The following ABLIM1 variants were observed in gnomAD, a reference collection of about 807,000 sequenced individuals.
The protein encoded by ABLIM1 is actin-binding LIM protein 1.
A neutral mutation model predicts 107.0 loss-of-function variants in ABLIM1; 40 were observed. The observed-to-expected ratio is 0.37, with a 90% confidence interval of 0.29 to 0.49. The LOEUF (loss-of-function observed/expected upper bound fraction) is 0.49. Ranked by LOEUF, ABLIM1 falls within the 20% of genes least tolerant of loss-of-function variation. The pLI, the probability that ABLIM1 is intolerant of heterozygous loss-of-function variation, is 0.97. For synonymous variants in ABLIM1, 357 were observed against 357.3 expected (o/e 1.00, Z 0.01); for missense variants, 857 against 1,008.5 (o/e 0.85, Z 2.04).
chr10:114,705,434 G>A (rs2141891493), intron 1 of ABLIM1, among the ~76,000 whole-genome samples: 2 of 152,284 alleles, frequency 1.3e-5, no homozygotes, highest in East Asian at 3.9e-4. Context: ...CCAGTGGGCA[G>A]GATGCAAATG....
At chr10:114,511,364 CT>C (rs201081180) in intron 6 of ABLIM1, among the ~76,000 whole-genome samples, 1 of 151,828 alleles carries the variant, frequency 6.6e-6, no homozygotes, top group African/African-American at 2.4e-5. Flanking sequence ...CTTCTCACCT[CT>C]TTAAAAAAAT....
At chr10:114,466,174 T>C (rs550581536) in intron 11 of ABLIM1, among the ~76,000 whole-genome samples, 16 of 152,146 alleles carry the variant, frequency 1.1e-4, no homozygotes, top group African/African-American at 3.4e-4. Context: ...ACCTTGTCTT[T>C]ACAAAAAACT....
At chr10:114,556,285 G>C (rs1007551294) in intron 4 of ABLIM1, among the ~76,000 whole-genome samples, 2 of 152,232 alleles carry the variant, frequency 1.3e-5, no homozygotes, top group Admixed American at 6.5e-5. Flanking sequence ...ACGTGGATCA[G>C]ATTCTGCTAA....
chr10:114,701,080 T>C (rs2081298598), intron 1 of ABLIM1, among the ~76,000 whole-genome samples: 4 of 152,066 alleles, frequency 2.6e-5, no homozygotes. Flanking sequence ...AAAAAACTCC[T>C]ACAACTCAAT....
intron 1 of ABLIM1, among the ~76,000 whole-genome samples, chr10:114,623,186 A>C (rs896006480): frequency 6.6e-6 from 1 of 152,194 alleles, no homozygotes; most frequent in Admixed American, 6.5e-5. Context: ...GATTCCAGGT[A>C]AACATGCTCA....
intron 18 of ABLIM1, 82 bp downstream of exon 18, chr10:114,441,640 G>T (rs1228947992): frequency 2.1e-5 from 27 of 1,286,476 alleles, no homozygotes; most frequent in Non-Finnish European, 2.9e-5. Context: ...AGAGTCAGAC[G>T]TATTCAGGCA....
At chr10:114,671,130 T>C (rs2080237212) in intron 1 of ABLIM1, among the ~76,000 whole-genome samples, 2 of 152,218 alleles carry the variant, frequency 1.3e-5, no homozygotes, top group African/African-American at 4.8e-5. Context: ...TATTCTGACT[T>C]AATCTCATGA....
chr10:114,784,964 A>C, the ABLIM1 span, among the ~76,000 whole-genome samples: 1 of 151,506 alleles, frequency 6.6e-6, no homozygotes, highest in East Asian at 1.9e-4. Flanking sequence ...CATTGAGACT[A>C]ATTTACTTTC....
intron 6 of ABLIM1, among the ~76,000 whole-genome samples, chr10:114,494,141 T>C: frequency 6.6e-6 from 1 of 152,170 alleles, no homozygotes; most frequent in Non-Finnish European, 1.5e-5. Context: ...AGGTAATGGT[T>C]CAAATGAGCC....
intron 1 of ABLIM1, among the ~76,000 whole-genome samples, chr10:114,693,211 G>A (rs1369852479): frequency 5.9e-5 from 9 of 152,172 alleles, no homozygotes; most frequent in African/African-American, 1.2e-4. Context: ...TTCTGGGTCC[G>A]ACTTCCACCA....
intron 1 of ABLIM1, among the ~76,000 whole-genome samples, chr10:114,642,063 AT>A (rs879325064): frequency 0.016 from 2,371 of 146,350 alleles, 64 homozygotes; most frequent in African/African-American, 0.054. Flanking sequence ...TTAATTTTTA[AT>A]TTTTTTTTTT....
At chr10:114,589,625 C>T (rs1032196497) in intron 2 of ABLIM1, among the ~76,000 whole-genome samples, 3 of 152,068 alleles carry the variant, frequency 2.0e-5, no homozygotes, top group African/African-American at 7.2e-5. Flanking sequence ...CCATTACAGC[C>T]TTGAGCTACT....
intron 1 of ABLIM1, among the ~76,000 whole-genome samples, chr10:114,622,971 T>C (rs1014229609): frequency 2.0e-5 from 3 of 152,172 alleles, no homozygotes; most frequent in Non-Finnish European, 2.9e-5. Flanking sequence ...CTTTTTTTCG[T>C]TTGTTTTCTG....
upstream of ABLIM1, among the ~76,000 whole-genome samples, chr10:114,689,965 A>G (rs1764153829): frequency 6.6e-6 from 1 of 152,176 alleles, no homozygotes; most frequent in South Asian, 2.1e-4. Flanking sequence ...TCATAATCAT[A>G]AACTTAACTC....
intron 1 of ABLIM1, among the ~76,000 whole-genome samples, chr10:114,628,015 A>G (rs547620170): frequency 1.3e-5 from 2 of 152,246 alleles, no homozygotes; most frequent in East Asian, 3.9e-4. Context: ...CCAGCCACTC[A>G]GGAGGCTGAG....
chr10:114,484,297 G>A (rs1030891685), intron 8 of ABLIM1, among the ~76,000 whole-genome samples: 1 of 152,190 alleles, frequency 6.6e-6, no homozygotes, highest in Non-Finnish European at 1.5e-5. Context: ...GAATTCTTAG[G>A]GAGAGGAAAT....
intron 8 of ABLIM1, 144 bp downstream of exon 8, chr10:114,487,814 G>T: frequency 2.0e-6 from 2 of 987,674 alleles, no homozygotes; most frequent in Non-Finnish European, 3.2e-6. Context: ...CCTTTCCCTA[G>T]CCAAATGGCC....
At chr10:114,768,029 C>T in intron 1 of ABLIM1, 1 of 428,724 alleles carries the variant, frequency 2.3e-6, no homozygotes, top group Non-Finnish European at 4.6e-6. Context: ...CCGCCGGGGT[C>T]AGTGGACGGT....
intron 1 of ABLIM1, among the ~76,000 whole-genome samples, chr10:114,747,152 A>G (rs1241675942): frequency 6.6e-6 from 1 of 152,222 alleles, no homozygotes; most frequent in Admixed American, 6.5e-5. Flanking sequence ...GGTGAAGAAA[A>G]GGGCATTCCA....
Sources: allele counts gnomAD v4.1 joint callset (sites outside exome capture counted in the v4.1 genomes callset), GRCh38; gene constraint gnomAD v4.1.1; transcripts MANE v1.5; gene names NCBI Gene and HGNC (gene_info 2026-07-23, HGNC 2026-07-21).